The following ZBTB4 variants were observed in gnomAD, a reference collection of about 807,000 sequenced individuals.
The protein encoded by ZBTB4 is zinc finger and BTB domain containing 4, also known as zinc finger and BTB domain-containing protein 4.
In ZBTB4, 14 loss-of-function variants were observed where a neutral mutation model predicts 59.8. That is an observed-to-expected ratio of 0.23 (90% CI 0.15 to 0.37). The LOEUF (loss-of-function observed/expected upper bound fraction) is 0.37, where lower values mean the gene tolerates loss of function less well. Among genes scored for constraint, ZBTB4 ranks in the 10% least tolerant of loss-of-function variants. The pLI is 1.00. For synonymous variants in ZBTB4, 587 were observed against 575.2 expected (o/e 1.02, Z -0.29); for missense variants, 1,198 against 1,380.8 (o/e 0.87, Z 2.10).
intron 1 of ZBTB4, among the ~76,000 whole-genome samples, chr17:7,471,346 G>A (rs193164334): frequency 3.0e-4 from 46 of 152,228 alleles, no homozygotes; most frequent in Admixed American, 1.7e-3. Flanking sequence ...ACAATGCCTG[G>A]CTAATTTATT....
intron 3 of ZBTB4, among the ~76,000 whole-genome samples, chr17:7,465,256 A>G (rs2070101957): frequency 6.6e-6 from 1 of 151,910 alleles, no homozygotes; most frequent in South Asian, 2.1e-4. Context: ...CAGGAGTTCA[A>G]GACCATCCTG....
chr17:7,460,848 A>G lies in ZBTB4; in HGVS notation c.*1092T>C, dbSNP rs915109490. On this transcript the variant is annotated 3_prime_UTR_variant, in exon 4 of 4. Coordinates refer to ENST00000380599, the MANE Select transcript of ZBTB4 (RefSeq NM_001128833.2). The stretch of plus-strand genomic sequence containing the variant: ...CCCCAAAGCCCACCAGAAGAGTAGA[A>G]TGGTTCCCCCAAAACCATCTGGAGT... The G allele has an allele frequency of 6.6e-6, 1 of 152,622 alleles. No homozygotes were observed. Among genetic ancestry groups the G allele is most frequent in the Non-Finnish European group, 1.5e-5 (1 of 68,070 alleles). The allele number at this position is 152,622 out of a possible 1,614,324, so 9.5% of individuals were successfully genotyped here.
At chr17:7,482,841 T>C (rs746036622), upstream of ZBTB4, 2 of 1,612,094 alleles carry the variant, frequency 1.2e-6, no homozygotes, top group East Asian at 2.2e-5. Context: ...TGCGCTGTCC[T>C]GCATTCCGAG....
Position 7,466,446 on chromosome 17 carries a change from G to T in ZBTB4, c.356C>A (p.Ala119Asp), listed in dbSNP as rs1398577962. 14 of 1,613,396 alleles carry T rather than the reference G, an allele frequency of 8.7e-6. No homozygotes were observed. The highest frequency in any genetic ancestry group is 1.1e-5 in the Non-Finnish European group (13 of 1,179,788). Residue 119 changes from alanine to aspartate, a missense_variant, in exon 3 of 4, where the codon GCT becomes GAT. By Grantham distance (126) the Ala-to-Asp change is moderately radical. Transcript: ENST00000380599. This position sits in a 1 kb window ranked among gnomAD's most constrained non-coding sequence, Gnocchi z 9.1. The stretch of plus-strand genomic sequence containing the variant: ...CTCCAGGACCCGGGGTGGGGAAGAA[G>T]CAGGGGGAGAGGCTGGAGGGGGAGA... ...SSSPPPASPP[A>D]SSPPRVLELP...
At chr17:7,474,220 C>CTTTTTTTTTTTTTTT (rs67462449) in intron 1 of ZBTB4, among the ~76,000 whole-genome samples, 2 of 116,118 alleles carry the variant, frequency 1.7e-5, no homozygotes, top group Non-Finnish European at 3.5e-5. Flanking sequence ...CATGGCCAGA[C>CTTTTTTTTTTTTTTT]TTTTTTTTTT....
At chr17:7,483,940 G>A (rs899744463), upstream of ZBTB4, 15 of 152,216 alleles carry the variant, frequency 9.9e-5, no homozygotes, top group African/African-American at 3.4e-4. Context: ...TTCAGCAAGA[G>A]AACTGCATAT....
chr17:7,483,363 C>G, upstream of ZBTB4: 1 of 319,768 alleles, frequency 3.1e-6, no homozygotes. Flanking sequence ...ACAGAGCCAG[C>G]AGCTGCGGTG....
chr17:7,474,823 C>T (rs1356980632), intron 1 of ZBTB4, among the ~76,000 whole-genome samples: 2 of 151,370 alleles, frequency 1.3e-5, no homozygotes, highest in African/African-American at 2.4e-5. Context: ...ACCAGCCTGG[C>T]CAACATGATG....
intron 1 of ZBTB4, among the ~76,000 whole-genome samples, chr17:7,468,728 T>C (rs2070160998): frequency 6.6e-6 from 1 of 152,038 alleles, no homozygotes; most frequent in South Asian, 2.1e-4. Context: ...GCATCAGGAG[T>C]TCCTCATACA....
chr17:7,463,391 C>G lies in ZBTB4; in HGVS notation c.1591G>C (p.Ala531Pro), dbSNP rs1322810749. The change falls in exon 4 of 4, where the codon GCC (alanine) becomes CCC (proline). Residue 531 changes from alanine (A) to proline (P), a missense_variant. Coordinates refer to ENST00000380599, the MANE Select transcript of ZBTB4 (RefSeq NM_001128833.2). ...GCTGTGGCTGGGCTGGTGGGTGTGG[C>G]TGCAGGCTCAGGGGGAGGAGGTGGG... ...EYPPPPPEPA[A>P]TPTSPATAVS... is the part of the protein sequence containing the mutation. The G allele has an allele frequency of 6.3e-7, 1 of 1,594,764 alleles. No homozygotes were observed. The highest frequency in any genetic ancestry group is 1.8e-5 in the Admixed American group (1 of 56,900).
chr17:7,461,054 T>C lies in ZBTB4; in HGVS notation c.*886A>G, dbSNP rs2070012639. On this transcript the variant is annotated 3_prime_UTR_variant, in exon 4 of 4. Coordinates refer to ENST00000380599, the MANE Select transcript of ZBTB4 (RefSeq NM_001128833.2). The stretch of plus-strand genomic sequence containing the variant: ...AAAGTAGATTCCCTTCTCCATCCCA[T>C]ATGGAGTTCTTCCCTCCTGGCCCCC... 1 of 152,594 alleles carries C rather than the reference T, an allele frequency of 6.6e-6. No homozygotes were observed. Among genetic ancestry groups the C allele is most frequent in the Non-Finnish European group, 1.5e-5 (1 of 68,022 alleles). 9.5% of individuals were successfully genotyped at this position (152,594 alleles called of 1,614,324 possible).
chr17:7,461,946 C>T lies in ZBTB4; in HGVS notation c.3036G>A (p.Val1012=), dbSNP rs2070025933. The change falls in exon 4 of 4, where the codon GTG becomes GTA. Residue 1012 remains valine (V), a synonymous_variant. Coordinates refer to ENST00000380599, the MANE Select transcript of ZBTB4 (RefSeq NM_001128833.2). ...GGGGATTGAGCCCCAGGGTTCACCC[C>T]ACATCGCCCTTCTGGGTTCTCTCAA... is the stretch of plus-strand genomic sequence containing the variant. ...AGVERTQKGD[V]G 3 of 1,543,960 alleles carry T rather than the reference C, an allele frequency of 1.9e-6. No homozygotes were observed. Among genetic ancestry groups the T allele is most frequent in the African/African-American group, 2.7e-5 (2 of 72,742 alleles).
At chr17:7,482,706 T>A, upstream of ZBTB4, 1 of 1,612,030 alleles carries the variant, frequency 6.2e-7, no homozygotes, top group Non-Finnish European at 8.5e-7. Context: ...CTCTTTGTGC[T>A]GCAGCCCCCC....
chr17:7,475,629 G>A (rs966976150), intron 1 of ZBTB4, among the ~76,000 whole-genome samples: 1 of 152,180 alleles, frequency 6.6e-6, no homozygotes, highest in African/African-American at 2.4e-5. Flanking sequence ...GTAGAGACAG[G>A]GTTTCTCCAT....
In ZBTB4 at chr17:7,463,372, G is replaced by T; in HGVS notation, c.1610C>A (p.Ala537Asp). ...AGCGGTGGCTGGGCTGACTGCTGTG[G>T]CTGGGCTGGTGGGTGTGGCTGCAGG... ...PEPAATPTSP[A>D]TAVSPATAAG... Residue 537 changes from alanine (A) to aspartate (D), a missense_variant, in exon 4 of 4, where the codon GCC (alanine) becomes GAC (aspartate). By Grantham distance (126) the Ala-to-Asp change is moderately radical. This residue lies in a region of ZBTB4 where 550 missense variants were observed against 541.8 expected (regional missense o/e 1.02). Coordinates refer to ENST00000380599, the MANE Select transcript of ZBTB4 (RefSeq NM_001128833.2). 6.2e-7 allele frequency: 1 copy of T among 1,604,406 alleles called. No individual in the cohort carries two copies.
At chr17:7,464,940 A>C (rs969785941) in intron 3 of ZBTB4, among the ~76,000 whole-genome samples, 6 of 151,202 alleles carry the variant, frequency 4.0e-5, no homozygotes, top group African/African-American at 1.5e-4. Flanking sequence ...GTGGATCACA[A>C]GGTCAGGAAA....
chr17:7,465,122 C>A (rs529422347), intron 3 of ZBTB4, among the ~76,000 whole-genome samples: 4 of 145,426 alleles, frequency 2.8e-5, no homozygotes, highest in African/African-American at 1.0e-4. Flanking sequence ...CGCCACTGCA[C>A]TCCAGCCTGG....
chr17:7,467,096 G>A (rs1283329472), intron 2 of ZBTB4, 161 bp downstream of exon 2: 16 of 914,430 alleles, frequency 1.7e-5, no homozygotes, highest in Non-Finnish European at 2.1e-5. Context: ...GACTAGAGAT[G>A]TAAGTGAGGC....
In ZBTB4 at chr17:7,462,469, G is replaced by A; in HGVS notation, c.2513C>T (p.Ala838Val). The A allele has an allele frequency of 6.2e-7, 1 of 1,613,844 alleles. No homozygotes were observed. The highest frequency in any genetic ancestry group is 8.5e-7 in the Non-Finnish European group (1 of 1,180,004). ...SGEAGGGSTA[A>V]EEASETASLQ... ...TGAGGCGGTCTCGGAAGCTTCCTCA[G>A]CAGCAGTGCTCCCGCCACCTGCCTC... The change falls in exon 4 of 4, where the codon GCT (alanine) becomes GTT (valine). Residue 838 changes from alanine to valine, a missense_variant. Physicochemically the swap from Ala to Val is moderately conservative, Grantham distance 64 (BLOSUM62 0). Coordinates refer to ENST00000380599, the MANE Select transcript of ZBTB4 (RefSeq NM_001128833.2). This position sits in a 1 kb window ranked among gnomAD's most constrained non-coding sequence, Gnocchi z 7.5.
Sources: gnomAD v4.1 joint callset for allele counts (sites outside exome capture counted in the v4.1 genomes callset) on GRCh38, gnomAD v4.1.1 for gene constraint, gnomAD v4.1.1 regional missense constraint, Gnocchi (gnomAD v3.1) non-coding constraint, MANE v1.5 for transcripts, NCBI Gene and HGNC (gene_info 2026-07-23, HGNC 2026-07-21) for gene names.